Variants in CSNK1G1 observed in about 807,000 individuals in gnomAD.
CSNK1G1 encodes the protein casein kinase 1 gamma 1.
A neutral mutation model predicts 59.6 loss-of-function variants in CSNK1G1; 22 were observed. The observed-to-expected ratio is 0.37, with a 90% CI of 0.26 to 0.53. CSNK1G1 has a LOEUF of 0.53. Among genes scored for constraint, CSNK1G1 ranks in the 20% least tolerant of loss-of-function variants. The pLI is 0.89. For missense variants in CSNK1G1, 384 were observed against 519.5 expected (o/e 0.74, Z 2.54); for synonymous variants, 179 against 177.1 (o/e 1.01, Z -0.08).
chr15:64,190,557 G>A (rs2081956939), intron 10 of CSNK1G1, among the ~76,000 whole-genome samples: 1 of 152,160 alleles, frequency 6.6e-6, no homozygotes, highest in African/African-American at 2.4e-5. Flanking sequence ...TGGGATTACA[G>A]GCATGTGCCA....
chr15:64,250,562 G>C (rs1270108610), intron 4 of CSNK1G1, among the ~76,000 whole-genome samples: 1 of 152,054 alleles, frequency 6.6e-6, no homozygotes, highest in Non-Finnish European at 1.5e-5. Flanking sequence ...TGGGCAACAT[G>C]GCAAAACCCC....
chr15:64,336,108 T>C (rs775677207), intron 1 of CSNK1G1, among the ~76,000 whole-genome samples: 5 of 152,222 alleles, frequency 3.3e-5, no homozygotes, highest in Admixed American at 6.5e-5. Context: ...TATGGAACTC[T>C]ATGCGACTAG....
chr15:64,181,206 G>C, intron 10 of CSNK1G1: 1 of 1,530,006 alleles, frequency 6.5e-7, no homozygotes, highest in Non-Finnish European at 8.7e-7. Flanking sequence ...TTTATTTCAG[G>C]TTCACTGCCA....
intron 4 of CSNK1G1, among the ~76,000 whole-genome samples, chr15:64,249,240 G>A (rs1272234904): frequency 6.6e-6 from 1 of 152,130 alleles, no homozygotes; most frequent in Non-Finnish European, 1.5e-5. Context: ...TCTATGATTA[G>A]AACTAAGTAG....
intron 4 of CSNK1G1, among the ~76,000 whole-genome samples, chr15:64,225,823 C>T (rs1378619260): frequency 3.3e-5 from 5 of 152,150 alleles, no homozygotes; most frequent in South Asian, 2.1e-4. Context: ...GTCGGGGTTT[C>T]GCTATGTTGG....
chr15:64,297,622 TG>T (rs1285279390), intron 2 of CSNK1G1, among the ~76,000 whole-genome samples: 1 of 151,680 alleles, frequency 6.6e-6, no homozygotes, highest in African/African-American at 2.4e-5. Context: ...CGCTTGAGCC[TG>T]GGAGTTGGAG....
chr15:64,201,271 CAA>C (rs545719275), intron 10 of CSNK1G1, among the ~76,000 whole-genome samples: 12 of 64,988 alleles, frequency 1.8e-4, no homozygotes, highest in Admixed American at 5.1e-4. Flanking sequence ...GACACTGTCT[CAA>C]AAAAAAAAAA....
chr15:64,226,924 G>C (rs976103769), intron 4 of CSNK1G1, among the ~76,000 whole-genome samples: 2 of 152,138 alleles, frequency 1.3e-5, no homozygotes, highest in African/African-American at 4.8e-5. Flanking sequence ...TCGTGCCCCA[G>C]TCCCATTACA....
At chr15:64,263,718 C>A (rs1892822062) in intron 2 of CSNK1G1, among the ~76,000 whole-genome samples, 1 of 151,266 alleles carries the variant, frequency 6.6e-6, no homozygotes, top group Non-Finnish European at 1.5e-5. Context: ...TACCACCTAA[C>A]CATCTGTGTT....
At chr15:64,185,089 G>C (rs2081873346) in intron 10 of CSNK1G1, among the ~76,000 whole-genome samples, 2 of 152,166 alleles carry the variant, frequency 1.3e-5, no homozygotes, top group Admixed American at 1.3e-4. Context: ...CTTGCATTTA[G>C]GCCTTCCACA....
In CSNK1G1 at chr15:64,214,166, A is replaced by G; in HGVS notation, c.445-42T>C. 7.2e-7 allele frequency: 1 copy of G among 1,381,444 alleles called. No homozygotes were observed. Among genetic ancestry groups the G allele is most frequent in the South Asian group, 1.2e-5 (1 of 85,544 alleles). The allele number at this position is 1,381,444 out of a possible 1,614,324, so 85.6% of individuals were successfully genotyped here. A position where few individuals can be genotyped will look rare whatever the true frequency, so the allele number is the denominator to read the frequency against. On this transcript the variant is annotated intron_variant, in intron 5 of 11. Coordinates refer to ENST00000303052, the MANE Select transcript of CSNK1G1 (RefSeq NM_022048.5). This position sits in a 1 kb window ranked among gnomAD's most constrained non-coding sequence, Gnocchi z 4.3. ...TGATAGAAAGACTGTAAAGAAGTATATCAGGAAAATACATCAAAACAGTTT... is the reference window on the plus strand; with the variant it reads ...TGATAGAAAGACTGTAAAGAAGTATGTCAGGAAAATACATCAAAACAGTTT...
intron 1 of CSNK1G1, among the ~76,000 whole-genome samples, chr15:64,334,802 CACTT>C (rs1212269605): frequency 6.6e-6 from 1 of 152,194 alleles, no homozygotes. Flanking sequence ...ACCTGCCACT[CACTT>C]CCTGCTATGC....
chr15:64,251,075 G>A (rs1892054591), intron 4 of CSNK1G1, among the ~76,000 whole-genome samples: 1 of 152,148 alleles, frequency 6.6e-6, no homozygotes, highest in Admixed American at 6.5e-5. Flanking sequence ...AATTAATGAG[G>A]ACAATGGATA....
chr15:64,254,034 G>A (rs1167974826), intron 3 of CSNK1G1, among the ~76,000 whole-genome samples: 1 of 152,140 alleles, frequency 6.6e-6, no homozygotes, highest in Non-Finnish European at 1.5e-5. Flanking sequence ...CAGCTACTCA[G>A]GAGGCTGAGG....
chr15:64,340,880 C>T (rs1459036804), intron 1 of CSNK1G1, among the ~76,000 whole-genome samples: 1 of 152,096 alleles, frequency 6.6e-6, no homozygotes, highest in East Asian at 1.9e-4. Context: ...TCACTTAAAG[C>T]CTGGGTAGTT....
chr15:64,344,866 T>C (rs73448538), intron 1 of CSNK1G1, among the ~76,000 whole-genome samples: 1 of 152,322 alleles, frequency 6.6e-6, no homozygotes, highest in African/African-American at 2.4e-5. Context: ...TATGATTTCA[T>C]AATCTATGAA....
chr15:64,330,349 T>A (rs1405185793), intron 1 of CSNK1G1, among the ~76,000 whole-genome samples: 4 of 149,790 alleles, frequency 2.7e-5, no homozygotes, highest in Non-Finnish European at 4.4e-5. Context: ...GCTTCATCCC[T>A]GGGATGCAAG....
At chr15:64,242,010 CG>C (rs1891491235) in intron 4 of CSNK1G1, among the ~76,000 whole-genome samples, 3 of 151,244 alleles carry the variant, frequency 2.0e-5, no homozygotes, top group East Asian at 3.9e-4. Flanking sequence ...AAATCAGAAA[CG>C]AAAAAGGAGA....
intron 4 of CSNK1G1, among the ~76,000 whole-genome samples, chr15:64,238,136 G>A (rs1022502673): frequency 3.9e-5 from 6 of 152,120 alleles, no homozygotes; most frequent in South Asian, 2.1e-4. Flanking sequence ...CTCTTTCACT[G>A]GGGGAAATTT....
Sources: gnomAD v4.1 joint callset for allele counts (sites outside exome capture counted in the v4.1 genomes callset) on GRCh38, gnomAD v4.1.1 for gene constraint, Gnocchi (gnomAD v3.1) non-coding constraint, MANE v1.5 for transcripts, NCBI Gene and HGNC (gene_info 2026-07-23, HGNC 2026-07-21) for gene names.